The following OR2G6 variants were observed in gnomAD, a reference collection of about 807,000 sequenced individuals.
OR2G6 encodes olfactory receptor family 2 subfamily G member 6, also known as olfactory receptor 2G6.
For synonymous variants in OR2G6, 183 were observed against 155.2 expected, an observed-to-expected ratio of 1.18 and a Z score of -1.33; for missense variants, 457 against 391.3, an observed-to-expected ratio of 1.17 and a Z score of -1.42.
In OR2G6 at chr1:248,522,432, G is replaced by T. The variant is rs531426431; in HGVS notation, c.786G>T (p.Pro262=). Residue 262 remains proline (P), a synonymous_variant, in exon 2 of 2, where the codon CCG becomes CCT. Coordinates refer to ENST00000641804, the MANE Select transcript of OR2G6 (RefSeq NM_001013355.2). ...CCATCATATTCATGTACCTTCAACC[G>T]GCCAATAGGAGATCCAAAAACCAGG... The part of the protein sequence containing the change: ...YGTIIFMYLQ[P]ANRRSKNQGK... 6.2e-6 allele frequency: 10 copies of T among 1,614,034 alleles called. No individual in the cohort carries two copies. The Admixed American group carries it at 1.5e-4, about 24-fold the overall frequency.
chr1:248,519,674 C>G (rs892608204), intron 1 of OR2G6, among the ~76,000 whole-genome samples: 30 of 152,194 alleles, frequency 2.0e-4, no homozygotes, highest in Admixed American at 5.2e-4. Context: ...GGCCTCTGTT[C>G]TGTTCCATTG....
Position 248,521,930 on chromosome 1 carries a change from G to A in OR2G6, c.284G>A (p.Gly95Asp), listed in dbSNP as rs769156489. The change falls in exon 2 of 2, where the codon GGT (glycine) becomes GAT (aspartate). Residue 95 changes from glycine (G) to aspartate (D), a missense_variant. Transcript: ENST00000641804. ...MNKKDKTMSY[G>D]GCVAQLYVAM... is the part of the protein sequence containing the mutation. Reference sequence around the variant, plus strand: ...AAGAAAGACAAAACCATGAGCTACGGTGGCTGTGTGGCCCAGCTCTATGTG... The same window carrying A: ...AAGAAAGACAAAACCATGAGCTACGATGGCTGTGTGGCCCAGCTCTATGTG... The A allele has an allele frequency of 3.1e-6, 5 of 1,614,154 alleles. No individual in the cohort carries two copies. Among genetic ancestry groups the A allele is most frequent in the African/African-American group, 1.3e-5 (1 of 75,030 alleles).
In OR2G6 at chr1:248,525,109, CATT is replaced by C. The variant is rs1664368304; in HGVS notation, c.*2513_*2515del. The C allele has an allele frequency of 6.6e-6, 1 of 151,932 alleles. No homozygotes were observed. Among genetic ancestry groups the C allele is most frequent in the African/African-American group, 2.4e-5 (1 of 41,382 alleles). 9.4% of individuals were successfully genotyped at this position (151,932 alleles called of 1,614,324 possible). A position where few individuals can be genotyped will look rare whatever the true frequency, so the allele number is the denominator to read the frequency against. On this transcript the variant is annotated 3_prime_UTR_variant, in exon 2 of 2. Transcript: ENST00000641804. ...TCTGATTAATCTAAAAAATATCCAC[CATT>C]TATTAAAAATCTTCCCTATAATTGA...
chr1:248,525,253 C>G lies in OR2G6; in HGVS notation c.*2656C>G, dbSNP rs1418957608. Reference sequence around the variant, plus strand: ...ATAAATACAATTAGTAAATCTAAAACAGGTACACATCAGTCAATTTGCACA... The same window carrying G: ...ATAAATACAATTAGTAAATCTAAAAGAGGTACACATCAGTCAATTTGCACA... On this transcript the variant is annotated 3_prime_UTR_variant, in exon 2 of 2. Transcript: ENST00000641804. The G allele has an allele frequency of 2.0e-5, 3 of 152,098 alleles. No homozygotes were observed. The highest frequency in any genetic ancestry group is 4.4e-5 in the Non-Finnish European group (3 of 67,992). 9.4% of individuals were successfully genotyped at this position (152,098 alleles called of 1,614,324 possible).
Position 248,522,677 on chromosome 1 carries a change from A to T in OR2G6, c.*80A>T, listed in dbSNP as rs1211347549. ...TCCTCCCCAGACATTCCTCTTGTCAATCCCAAAGCCACAGGGACTAGGAAG... is the reference window on the plus strand; with the variant it reads ...TCCTCCCCAGACATTCCTCTTGTCATTCCCAAAGCCACAGGGACTAGGAAG... On this transcript the variant is annotated 3_prime_UTR_variant, in exon 2 of 2. Transcript: ENST00000641804. The T allele has an allele frequency of 1.1e-6, 1 of 911,984 alleles. No homozygotes were observed. The highest frequency in any genetic ancestry group is 1.6e-6 in the Non-Finnish European group (1 of 608,918). 56.5% of individuals were successfully genotyped at this position (911,984 alleles called of 1,614,324 possible). A position where few individuals can be genotyped will look rare whatever the true frequency, so the allele number is the denominator to read the frequency against.
chr1:248,522,357 C>T lies in OR2G6; in HGVS notation c.711C>T (p.Ala237=), dbSNP rs1334698088. ...AATCAGCTGCGGGCCGCCAAAAGGC[C>T]TTTGGGACCTGTTCGTCTCACCTGG... is the stretch of plus-strand genomic sequence containing the variant. ...RIKSAAGRQK[A]FGTCSSHLVV... Residue 237 remains alanine, a synonymous_variant, in exon 2 of 2, where the codon GCC becomes GCT. Coordinates refer to ENST00000641804, the MANE Select transcript of OR2G6 (RefSeq NM_001013355.2). 6.8e-6 allele frequency: 11 copies of T among 1,614,058 alleles called. No homozygotes were observed. The Admixed American group carries it at 1.8e-4, about 27-fold the overall frequency.
Position 248,522,129 on chromosome 1 carries a change from CCTCA to C in OR2G6, c.486_489del (p.Thr163CysfsTer41), listed in dbSNP as rs779743964. The C allele has an allele frequency of 1.2e-5, 20 of 1,612,368 alleles. No homozygotes were observed. The highest frequency in any genetic ancestry group is 1.6e-5 in the Non-Finnish European group (19 of 1,179,968). ...TCATCACCTCCCTAATTCAGTGCTC[CCTCA>C]CTGTGCAGCTGCCCCTCTGTGGTCA... On this transcript the variant is annotated frameshift_variant, in exon 2 of 2. Transcript: ENST00000641804. LOFTEE classifies it low-confidence loss of function (END_TRUNC).
At position 248,522,907 on chromosome 1, in the gene OR2G6, A is replaced by G. The variant is rs532134027; in HGVS notation, c.*310A>G. On this transcript the variant is annotated 3_prime_UTR_variant, in exon 2 of 2. Transcript: ENST00000641804. The stretch of plus-strand genomic sequence containing the variant: ...GACCCTGTGTTCTATCTGGAAAAAA[A>G]TGTTTGTCCTTCATCCACCTGCCAT... 1,565 of 288,060 alleles carry G rather than the reference A, an allele frequency of 5.4e-3. 30 individuals carry two copies. Among genetic ancestry groups the G allele is most frequent in the African/African-American group, 0.032 (1,457 of 45,892 alleles). 17.8% of individuals were successfully genotyped at this position (288,060 alleles called of 1,614,324 possible). A position where few individuals can be genotyped will look rare whatever the true frequency, so the allele number is the denominator to read the frequency against.
In OR2G6 at chr1:248,525,095, TAAA is replaced by T. The variant is rs1205806830; in HGVS notation, c.*2502_*2504del. Reference sequence around the variant, plus strand: ...AATGTGAGCATTTTTCTGATTAATCTAAAAAATATCCACCATTTATTAAAAATC... The same window carrying T: ...AATGTGAGCATTTTTCTGATTAATCTAAATATCCACCATTTATTAAAAATC... On this transcript the variant is annotated 3_prime_UTR_variant, in exon 2 of 2. Coordinates refer to ENST00000641804, the MANE Select transcript of OR2G6 (RefSeq NM_001013355.2). The T allele has an allele frequency of 7.2e-5, 11 of 151,768 alleles. No individual in the cohort carries two copies. Among genetic ancestry groups the T allele is most frequent in the African/African-American group, 2.7e-4 (11 of 41,062 alleles). The allele number at this position is 151,768 out of a possible 1,614,324, so 9.4% of individuals were successfully genotyped here.
chr1:248,525,135 T>G lies in OR2G6; in HGVS notation c.*2538T>G, dbSNP rs1318021827. The G allele has an allele frequency of 6.6e-6, 1 of 152,118 alleles. No individual in the cohort carries two copies. The highest frequency in any genetic ancestry group is 6.5e-5 in the Admixed American group (1 of 15,268). 9.4% of individuals were successfully genotyped at this position (152,118 alleles called of 1,614,324 possible). On this transcript the variant is annotated 3_prime_UTR_variant, in exon 2 of 2. Coordinates refer to ENST00000641804, the MANE Select transcript of OR2G6 (RefSeq NM_001013355.2). ...ATTTATTAAAAATCTTCCCTATAAT[T>G]GAATAACATGAGTAGTTTCTCTTTT...
intron 1 of OR2G6, 86 bp from the exon 2 acceptor site, chr1:248,521,525 T>C (rs1664284503): frequency 5.7e-6 from 4 of 700,902 alleles, no homozygotes; most frequent in Admixed American, 2.7e-5. Context: ...TTAGGTGATA[T>C]ATAAGGAAGA....
At chr1:248,519,878 T>C (rs1168016894) in intron 1 of OR2G6, among the ~76,000 whole-genome samples, 1 of 152,212 alleles carries the variant, frequency 6.6e-6, no homozygotes, top group African/African-American at 2.4e-5. Flanking sequence ...AAGGTCAAGC[T>C]AGCTTGATGG....
chr1:248,527,334 T>C lies in OR2G6; in HGVS notation c.*4737T>C, dbSNP rs899744738. On this transcript the variant is annotated 3_prime_UTR_variant, in exon 2 of 2. Transcript: ENST00000641804. ...GGTATTATTTCGGAGGGTTCTGTTC[T>C]GTTCCATTGGTCTATCTCTCTGTTT... 2 of 152,240 alleles carry C rather than the reference T, an allele frequency of 1.3e-5. No homozygotes were observed. Among genetic ancestry groups the C allele is most frequent in the African/African-American group, 4.8e-5 (2 of 41,462 alleles). 9.4% of individuals were successfully genotyped at this position (152,240 alleles called of 1,614,324 possible).
chr1:248,520,253 A>G (rs1415044929), intron 1 of OR2G6, among the ~76,000 whole-genome samples: 1 of 152,134 alleles, frequency 6.6e-6, no homozygotes, highest in Admixed American at 6.6e-5. Flanking sequence ...GGAGGGGAAC[A>G]TCACACACCA....
chr1:248,521,572 G>A, intron 1 of OR2G6, 39 bp from the exon 2 acceptor site: 1 of 1,027,960 alleles, frequency 9.7e-7, no homozygotes, highest in East Asian at 2.4e-5. Flanking sequence ...TACCATTCTT[G>A]ACCTCATTAC....
chr1:248,523,672 TTCTG>T lies in OR2G6; in HGVS notation c.*1079_*1082del. The T allele has an allele frequency of 6.6e-6, 1 of 151,838 alleles. No homozygotes were observed. Among genetic ancestry groups the T allele is most frequent in the African/African-American group, 2.4e-5 (1 of 41,218 alleles). 9.4% of individuals were successfully genotyped at this position (151,838 alleles called of 1,614,324 possible). A position where few individuals can be genotyped will look rare whatever the true frequency, so the allele number is the denominator to read the frequency against. On this transcript the variant is annotated 3_prime_UTR_variant, in exon 2 of 2. Coordinates refer to ENST00000641804, the MANE Select transcript of OR2G6 (RefSeq NM_001013355.2). ...ACCAAACTTTTACTTTCTGATTTAA[TTCTG>T]TCTCTATCTCTCTGTGTATCTTTGT...
In OR2G6 at chr1:248,525,335, A is replaced by G. The variant is rs1053107560; in HGVS notation, c.*2738A>G. On this transcript the variant is annotated 3_prime_UTR_variant, in exon 2 of 2. Coordinates refer to ENST00000641804, the MANE Select transcript of OR2G6 (RefSeq NM_001013355.2). Reference sequence around the variant, plus strand: ...CAAAGGATGCGCCAAGAAAAAAACTATCACTTAGTTAAATGACCATTCAGT... The same window carrying G: ...CAAAGGATGCGCCAAGAAAAAAACTGTCACTTAGTTAAATGACCATTCAGT... The G allele has an allele frequency of 3.3e-5, 5 of 152,218 alleles. No individual in the cohort carries two copies. Among genetic ancestry groups the G allele is most frequent in the African/African-American group, 1.2e-4 (5 of 41,464 alleles). The allele number at this position is 152,218 out of a possible 1,614,324, so 9.4% of individuals were successfully genotyped here.
chr1:248,521,039 C>CG (rs1664273565), intron 1 of OR2G6, among the ~76,000 whole-genome samples: 1 of 31,730 alleles, frequency 3.2e-5, no homozygotes, highest in Non-Finnish European at 6.0e-5. Flanking sequence ...GAGATTCCAT[C>CG]TAAAAAAAAA....
chr1:248,521,535 A>AT, intron 1 of OR2G6, 76 bp from the exon 2 acceptor site: 1 of 749,844 alleles, frequency 1.3e-6, no homozygotes, highest in Non-Finnish European at 2.2e-6. Context: ...TATAAGGAAG[A>AT]TAATTATACT....
Sources: gnomAD v4.1 joint callset for allele counts (sites outside exome capture counted in the v4.1 genomes callset) on GRCh38, gnomAD v4.1.1 for gene constraint, MANE v1.5 for transcripts, NCBI Gene and HGNC (gene_info 2026-07-23, HGNC 2026-07-21) for gene names.